Variants in CEACAM1 observed in about 807,000 individuals in gnomAD.
CEACAM1 encodes the protein cell adhesion molecule CEACAM1.
Under a neutral mutation model 49.1 loss-of-function variants are expected in CEACAM1, and 31 were observed. That is an observed-to-expected ratio of 0.63 (90% CI 0.47 to 0.85). CEACAM1 has a LOEUF of 0.85. Among genes scored for constraint, CEACAM1 ranks in the 40% least tolerant of loss-of-function variants. The pLI, the probability that CEACAM1 is intolerant of heterozygous loss-of-function variation, is 0.00. For synonymous variants in CEACAM1, 244 were observed against 247.8 expected (o/e 0.98, Z 0.14); for missense variants, 570 against 645.3 (o/e 0.88, Z 1.26).
chr19:42,522,043 T>G lies in CEACAM1; in HGVS notation c.584A>C (p.Asn195Thr), dbSNP rs763627557. 6.2e-7 allele frequency: 1 copy of G among 1,614,194 alleles called. No individual in the cohort carries two copies. Residue 195 changes from asparagine to threonine, a missense_variant, in exon 3 of 9, where the codon AAT (asparagine) becomes ACT (threonine). Transcript: ENST00000161559. The stretch of plus-strand genomic sequence containing the variant: ...GAGTAGAGTGAGGGTCCTGTTGCCA[T>G]TGGACAGCTGCAGCCTGGGACTGAC... ...LPVSPRLQLS[N>T]GNRTLTLLSV...
intron 5 of CEACAM1, among the ~76,000 whole-genome samples, chr19:42,517,201 A>G (rs573706596): frequency 6.6e-6 from 1 of 152,350 alleles, no homozygotes; most frequent in Admixed American, 6.5e-5. Flanking sequence ...AAAGACCTAA[A>G]TGTAAGAGCT....
At chr19:42,522,264 T>C (rs2041771109) in intron 2 of CEACAM1, 62 bp from the exon 3 acceptor site, 1 of 1,572,848 alleles carries the variant, frequency 6.4e-7, no homozygotes. Context: ...CACAGGCATT[T>C]TTCTTTTCTT....
chr19:42,521,087 A>T, intron 4 of CEACAM1, 180 bp downstream of exon 4: 1 of 709,296 alleles, frequency 1.4e-6, no homozygotes, highest in East Asian at 2.5e-5. Context: ...GCTGTGAGAA[A>T]TCAGAAAAAC....
At position 42,519,000 on chromosome 19, in the gene CEACAM1, G is replaced by C. The variant is rs1203567886; in HGVS notation, c.1194C>G (p.Val398=). 6.3e-7 allele frequency: 1 copy of C among 1,587,604 alleles called. No homozygotes were observed. Among genetic ancestry groups the C allele is most frequent in the South Asian group, 1.1e-5 (1 of 90,564 alleles). ...REDAGTYWCE[V]FNPISKNQSD... ...TTTGGTTCTTACTGATTGGGTTGAA[G>C]ACCTCACACCAATACGTCCCAGCAT... The change falls in exon 5 of 9, where the codon GTC becomes GTG. Residue 398 remains valine (V), a synonymous_variant. Coordinates refer to ENST00000161559, the MANE Select transcript of CEACAM1 (RefSeq NM_001712.5).
intron 5 of CEACAM1, 72 bp from the exon 6 acceptor site, chr19:42,512,551 T>G (rs1225553983): frequency 7.0e-7 from 1 of 1,434,166 alleles, no homozygotes. Context: ...GAAACAACTC[T>G]CAGAATGAAG....
Position 42,512,476 on chromosome 19 carries a change from T to A in CEACAM1, c.1250A>T (p.Asn417Ile). ...GAGGCCATTTTCTTGTGGTAGAGCA[T>A]TATCTGTCATGGAGAGAAAAGAGGA... is the stretch of plus-strand genomic sequence containing the variant. ...SDPIMLNVNY[N>I]ALPQENGLSP... is the part of the protein sequence containing the mutation. The change falls in exon 6 of 9, where the codon AAT becomes ATT. Residue 417 changes from asparagine to isoleucine, a missense_variant. Physicochemically the swap from Asn to Ile is moderately radical, Grantham distance 149. Coordinates refer to ENST00000161559, the MANE Select transcript of CEACAM1 (RefSeq NM_001712.5). 6.2e-7 allele frequency: 1 copy of A among 1,613,918 alleles called. No homozygotes were observed.
intron 2 of CEACAM1, 57 bp from the exon 3 acceptor site, chr19:42,522,259 G>A: frequency 6.3e-7 from 1 of 1,576,284 alleles, no homozygotes; most frequent in East Asian, 2.2e-5. Flanking sequence ...TCCTCCACAG[G>A]CATTTTTCTT....
chr19:42,528,476 T>A lies in CEACAM1; in HGVS notation c.-102A>T. 1 of 1,143,020 alleles carries A rather than the reference T, an allele frequency of 8.7e-7. No homozygotes were observed. The allele number at this position is 1,143,020 out of a possible 1,614,324, so 70.8% of individuals were successfully genotyped here. A position where few individuals can be genotyped will look rare whatever the true frequency, so the allele number is the denominator to read the frequency against. ...GTCACCTCTGCTGTTTTCCACTCTCTGTGCTGAGCCTCCTCCCTGGGGCCC... is the reference window on the plus strand; with the variant it reads ...GTCACCTCTGCTGTTTTCCACTCTCAGTGCTGAGCCTCCTCCCTGGGGCCC... On this transcript the variant is annotated 5_prime_UTR_variant, in exon 1 of 9. Transcript: ENST00000161559.
At chr19:42,526,075 C>A (rs2041882178) in intron 2 of CEACAM1, among the ~76,000 whole-genome samples, 1 of 152,100 alleles carries the variant, frequency 6.6e-6, no homozygotes, top group African/African-American at 2.4e-5. Flanking sequence ...CCTGCCTCAG[C>A]CTCCTGAGTA....
At chr19:42,524,152 CAG>C (rs2041829568) in intron 2 of CEACAM1, among the ~76,000 whole-genome samples, 1 of 152,218 alleles carries the variant, frequency 6.6e-6, no homozygotes, top group Non-Finnish European at 1.5e-5. Context: ...CCAAATTGGG[CAG>C]AGTCTAAGTG....
Position 42,508,894 on chromosome 19 carries a change from G to T in CEACAM1, c.*215C>A. ...TTTGCCAAATTTCAATGACAAGAAG[G>T]TTGGGTTTCCTACAGACTCCCAATG... On this transcript the variant is annotated 3_prime_UTR_variant, in exon 9 of 9. Coordinates refer to ENST00000161559, the MANE Select transcript of CEACAM1 (RefSeq NM_001712.5). The T allele has an allele frequency of 2.0e-6, 1 of 496,408 alleles. No homozygotes were observed. The highest frequency in any genetic ancestry group is 3.6e-6 in the Non-Finnish European group (1 of 281,584). 30.8% of individuals were successfully genotyped at this position (496,408 alleles called of 1,614,324 possible).
At chr19:42,523,498 A>C (rs537494610) in intron 2 of CEACAM1, among the ~76,000 whole-genome samples, 4 of 152,314 alleles carry the variant, frequency 2.6e-5, no homozygotes, top group South Asian at 2.1e-4. Context: ...ATTTAACAGC[A>C]TATCTACGTT....
rs771584485 is a variant in CEACAM1, at chr19:42,509,073, A to C, written c.*36T>G. ...CTAGTGATGAGGGTGAGAGACTTGA[A>C]ATACATCAGCACTGCAGTGAGCAGG... On this transcript the variant is annotated 3_prime_UTR_variant, in exon 9 of 9. Coordinates refer to ENST00000161559, the MANE Select transcript of CEACAM1 (RefSeq NM_001712.5). The C allele has an allele frequency of 1.2e-6, 2 of 1,613,188 alleles. No homozygotes were observed. The highest frequency in any genetic ancestry group is 1.7e-6 in the Non-Finnish European group (2 of 1,179,300).
chr19:42,509,235 A>G lies in CEACAM1; in HGVS notation c.1462-7T>C. 1 of 1,603,028 alleles carries G rather than the reference A, an allele frequency of 6.2e-7. No homozygotes were observed. Reference sequence around the variant, plus strand: ...AATAAGTAACTTCATTCATCTGAAAAGCACAAATAATGATCAGTTAAGTCA... The same window carrying G: ...AATAAGTAACTTCATTCATCTGAAAGGCACAAATAATGATCAGTTAAGTCA... On this transcript the variant is annotated splice_region_variant and splice_polypyrimidine_tract_variant and intron_variant, in intron 8 of 8. Coordinates refer to ENST00000161559, the MANE Select transcript of CEACAM1 (RefSeq NM_001712.5).
chr19:42,521,170 A>G, intron 4 of CEACAM1, 97 bp downstream of exon 4: 1 of 1,371,480 alleles, frequency 7.3e-7, no homozygotes, highest in Middle Eastern at 1.8e-4. Flanking sequence ...TGCCTGTTGG[A>G]TACAGGCTGC....
chr19:42,513,352 A>C (rs1213945429), intron 5 of CEACAM1, among the ~76,000 whole-genome samples: 1 of 152,094 alleles, frequency 6.6e-6, no homozygotes, highest in Non-Finnish European at 1.5e-5. Context: ...TAATCCCAGA[A>C]CTTTGGGAGG....
At chr19:42,527,471 TCCTGAGCAGGTG>T (rs1339764459) in intron 1 of CEACAM1, 71 bp from the exon 2 acceptor site, 8 of 1,528,010 alleles carry the variant, frequency 5.2e-6, no homozygotes, top group Admixed American at 2.2e-5. Context: ...GGGCCTTGGG[TCCTGAGCAGGTG>T]TCTTCACCCC....
At position 42,523,787 on chromosome 19, in the gene CEACAM1, G is replaced by A. The variant is rs368451693; in HGVS notation, c.425-1585C>T. ...ATAAGAGGAATATTCTCTAGAGAGC[G>A]TGATAAACTCTTAAACCAAGCTCTG... On this transcript the variant is annotated intron_variant, in intron 2 of 8. Transcript: ENST00000161559. 6.7e-4 allele frequency among the ~76,000 whole-genome samples: 102 copies of A among 152,282 alleles called. 1 individual carries two copies. The highest frequency in any genetic ancestry group is 2.4e-3 in the African/African-American group (98 of 41,562).
At chr19:42,521,691 C>T (rs1298168267) in intron 3 of CEACAM1, among the ~76,000 whole-genome samples, 170 bp from the exon 4 acceptor site, 1 of 152,200 alleles carries the variant, frequency 6.6e-6, no homozygotes. Flanking sequence ...CTGTTTCTCC[C>T]ATCACAGGCT....
Sources: gnomAD v4.1 joint callset for allele counts (sites outside exome capture counted in the v4.1 genomes callset) on GRCh38, gnomAD v4.1.1 for gene constraint, MANE v1.5 for transcripts, NCBI Gene and HGNC (gene_info 2026-07-23, HGNC 2026-07-21) for gene names.